The following ANKRD44 variants were observed in gnomAD, a reference collection of about 807,000 sequenced individuals.
ANKRD44 encodes the protein ankyrin repeat domain 44, also known as serine/threonine-protein phosphatase 6 regulatory ankyrin repeat subunit B.
Under a neutral mutation model 116.0 loss-of-function variants are expected in ANKRD44, and 35 were observed. The ratio of observed to expected loss-of-function variants is 0.30; its 90% CI spans 0.23 to 0.40. The LOEUF is 0.40. ANKRD44 is among the 10% of genes least tolerant of loss of function. The pLI is 1.00. For missense variants in ANKRD44, 1,014 were observed against 1,242.6 expected (o/e 0.82, Z 2.77); for synonymous variants, 435 against 461.8 (o/e 0.94, Z 0.74).
chr2:197,208,979 G>C (rs560208763), intron 1 of ANKRD44, among the ~76,000 whole-genome samples: 13 of 152,244 alleles, frequency 8.5e-5, no homozygotes, highest in African/African-American at 2.9e-4. Context: ...AGGCTATCTG[G>C]AAAATAGGCA....
intron 16 of ANKRD44, among the ~76,000 whole-genome samples, chr2:197,066,970 T>A (rs2077447566): frequency 6.6e-6 from 1 of 152,268 alleles, no homozygotes; most frequent in African/African-American, 2.4e-5. Flanking sequence ...GAGCCCGCGT[T>A]GCCAAGACAA....
Position 196,990,857 on chromosome 2 carries a change from G to C in ANKRD44, c.2924-1208C>G, listed in dbSNP as rs1272003780. ...TACTGGAAGGAGAAAAAGGCATCAT[G>C]GTAGCCAAAATGAGGGCCAGGCAGT... On this transcript the variant is annotated intron_variant, in intron 27 of 27. Coordinates refer to ENST00000282272, the MANE Select transcript of ANKRD44 (RefSeq NM_001195144.2). The C allele has an allele frequency of 5.7e-6, 7 of 1,232,440 alleles. No homozygotes were observed. In the East Asian group the frequency reaches 2.2e-4, roughly 39 times the overall value. The allele number at this position is 1,232,440 out of a possible 1,614,324, so 76.3% of individuals were successfully genotyped here.
intron 1 of ANKRD44, among the ~76,000 whole-genome samples, chr2:197,256,900 C>A (rs2082462638): frequency 6.6e-6 from 1 of 152,036 alleles, no homozygotes; most frequent in Non-Finnish European, 1.5e-5. Context: ...TCTCATAGAT[C>A]ACAGATCAAA....
In ANKRD44 at chr2:197,083,392, G is replaced by A. The variant is rs750503243; in HGVS notation, c.1434C>T (p.Ala478=). 3.2e-5 allele frequency: 51 copies of A among 1,613,094 alleles called. No individual in the cohort carries two copies. Among genetic ancestry groups the A allele is most frequent in the South Asian group, 6.6e-5 (6 of 90,888 alleles). Residue 478 remains alanine, a synonymous_variant, in exon 14 of 28, where the codon GCC becomes GCT. Coordinates refer to ENST00000282272, the MANE Select transcript of ANKRD44 (RefSeq NM_001195144.2). ...DDWGRTALHY[A]AASDMDRNKT... ...ACTTTCTATCCATGTCTGATGCAGC[G>A]GCGTAATGCAAAGCTGTGCGTCCCC...
intron 8 of ANKRD44, among the ~76,000 whole-genome samples, chr2:197,114,741 TG>T (rs1482358178): frequency 6.6e-6 from 1 of 152,196 alleles, no homozygotes; most frequent in Non-Finnish European, 1.5e-5. Flanking sequence ...AAAAGCTCTA[TG>T]GGATAACATT....
rs1359460210 is a variant in ANKRD44 at position 197,154,203 on chromosome 2, G to T, written c.112-7098C>A. Reference sequence around the variant, plus strand: ...TTTTTTTTTTTTTTTTTTTTGAGACGGAGTCTCGCTCTGTCGCCCAGGCTG... The same window carrying T: ...TTTTTTTTTTTTTTTTTTTTGAGACTGAGTCTCGCTCTGTCGCCCAGGCTG... On this transcript the variant is annotated intron_variant, in intron 2 of 27. Coordinates refer to ENST00000282272, the MANE Select transcript of ANKRD44 (RefSeq NM_001195144.2). Among the ~76,000 whole-genome samples, 6 of 127,794 alleles carry T rather than the reference G, an allele frequency of 4.7e-5. No homozygotes were observed. The Admixed American group carries it at 5.3e-4, about 11-fold the overall frequency. The allele number at this position is 127,794 out of a possible 152,430, so 83.8% of individuals were successfully genotyped here.
rs1230803618 is a variant in ANKRD44, at chr2:197,003,940, G to A, written c.2347+1754C>T. The stretch of plus-strand genomic sequence containing the variant: ...GCAGAATGAATGAAAAAAGAGGACC[G>A]TAGTGAAAACACAGTAAGAGGTCTT... On this transcript the variant is annotated intron_variant, in intron 21 of 27. Transcript: ENST00000282272. Among the ~76,000 whole-genome samples, 8 of 151,894 alleles carry A rather than the reference G, an allele frequency of 5.3e-5. No homozygotes were observed. The South Asian group carries it at 6.2e-4, about 12-fold the overall frequency.
chr2:197,288,494 A>G (rs2083469123), intron 1 of ANKRD44, among the ~76,000 whole-genome samples: 1 of 152,246 alleles, frequency 6.6e-6, no homozygotes, highest in Admixed American at 6.5e-5. Context: ...GCATCAGTCC[A>G]AAGGAAAAGA....
intron 1 of ANKRD44, among the ~76,000 whole-genome samples, chr2:197,193,815 G>A (rs566707457): frequency 3.9e-5 from 6 of 152,296 alleles, no homozygotes; most frequent in African/African-American, 1.4e-4. Flanking sequence ...CCGGGAGGCA[G>A]AGCTTGCAGT....
At chr2:197,260,801 T>A (rs1306485983) in intron 1 of ANKRD44, among the ~76,000 whole-genome samples, 1 of 142,786 alleles carries the variant, frequency 7.0e-6, no homozygotes, top group Non-Finnish European at 1.5e-5. Context: ...GGTATCTCAT[T>A]GTGGTTTTGA....
chr2:197,090,844 G>A (rs1289702375), intron 10 of ANKRD44, among the ~76,000 whole-genome samples: 1 of 152,174 alleles, frequency 6.6e-6, no homozygotes, highest in Non-Finnish European at 1.5e-5. Flanking sequence ...AACTTCAGAG[G>A]AGAATCTGGC....
At chr2:197,064,660 T>G (rs1220072691) in intron 16 of ANKRD44, among the ~76,000 whole-genome samples, 1 of 152,078 alleles carries the variant, frequency 6.6e-6, no homozygotes, top group Admixed American at 6.6e-5. Flanking sequence ...ATCCTAGTCT[T>G]GGATAAAACA....
intron 9 of ANKRD44, among the ~76,000 whole-genome samples, chr2:197,108,347 T>G (rs531940038): frequency 6.6e-6 from 1 of 152,344 alleles, no homozygotes; most frequent in Non-Finnish European, 1.5e-5. Context: ...GGCTTTATCA[T>G]TATCACTTAG....
chr2:196,995,438 T>C lies in ANKRD44; in HGVS notation c.2772A>G (p.Leu924=), dbSNP rs947941065. Residue 924 remains leucine, a synonymous_variant, in exon 26 of 28, where the codon TTA becomes TTG. Coordinates refer to ENST00000282272, the MANE Select transcript of ANKRD44 (RefSeq NM_001195144.2). The part of the protein sequence containing the change: ...CSKGHEKCAL[L]ILDKIQDESL... ...TCTCGTCTTGTATCTTGTCAAGTAT[T>C]AACAAGGCACATTTTTCATGACCCT... is the stretch of plus-strand genomic sequence containing the variant. 1.2e-6 allele frequency: 2 copies of C among 1,611,798 alleles called. No individual in the cohort carries two copies. The highest frequency in any genetic ancestry group is 8.5e-7 in the Non-Finnish European group (1 of 1,178,816).
intron 2 of ANKRD44, among the ~76,000 whole-genome samples, chr2:197,169,394 T>C (rs182870202): frequency 7.2e-5 from 11 of 152,340 alleles, no homozygotes; most frequent in Admixed American, 6.5e-4. Flanking sequence ...GTTTACTTCC[T>C]TTCTCTCCAA....
intron 1 of ANKRD44, chr2:197,296,599 T>C (rs1196778614): frequency 6.6e-6 from 1 of 152,204 alleles, no homozygotes; most frequent in Non-Finnish European, 1.5e-5. Flanking sequence ...ATAAGTTTCT[T>C]AATGGTTTTC....
chr2:197,190,412 G>A (rs1361335030), intron 1 of ANKRD44, among the ~76,000 whole-genome samples: 1 of 152,142 alleles, frequency 6.6e-6, no homozygotes, highest in East Asian at 1.9e-4. Flanking sequence ...CACAGATAAC[G>A]TGCTTTGCTT....
chr2:197,256,777 C>T (rs62279245), intron 1 of ANKRD44, among the ~76,000 whole-genome samples: 15,534 of 152,154 alleles, frequency 0.1, 860 homozygotes, highest in Middle Eastern at 0.13. Flanking sequence ...TCAAGAGGCT[C>T]GTATCCTAAG....
downstream of ANKRD44, among the ~76,000 whole-genome samples, chr2:196,983,749 T>C (rs1341109477): frequency 6.6e-6 from 1 of 152,198 alleles, no homozygotes; most frequent in African/African-American, 2.4e-5. Context: ...TCCTAGAAAT[T>C]GTGTCCACCA....
Sources: gnomAD v4.1 joint callset for allele counts (sites outside exome capture counted in the v4.1 genomes callset) on GRCh38, gnomAD v4.1.1 for gene constraint, MANE v1.5 for transcripts, NCBI Gene and HGNC (gene_info 2026-07-23, HGNC 2026-07-21) for gene names.